The following MPHOSPH6 variants were observed in gnomAD, a reference collection of about 807,000 sequenced individuals.
The protein encoded by MPHOSPH6 is M-phase phosphoprotein 6.
A neutral mutation model predicts 21.8 loss-of-function variants in MPHOSPH6; 25 were observed. That is an observed-to-expected ratio of 1.15 (90% CI 0.83 to 1.60). The LOEUF is 1.60. Among genes scored for constraint, MPHOSPH6 ranks in the 40% most tolerant of loss-of-function variants. The pLI, the probability that MPHOSPH6 is intolerant of heterozygous loss-of-function variation, is 0.00. For synonymous variants in MPHOSPH6, 84 were observed against 56.5 expected (o/e 1.49, Z -2.18); for missense variants, 269 against 181.8 (o/e 1.48, Z -2.76).
In MPHOSPH6 at chr16:82,148,929, G is replaced by C. The variant is rs1429977205; in HGVS notation, c.351-66C>G. ...AAAGGTAGGGATCAAGCCTTGTCAAGAATATCAGACCAAATATGCAATAAA... is the reference window on the plus strand; with the variant it reads ...AAAGGTAGGGATCAAGCCTTGTCAACAATATCAGACCAAATATGCAATAAA... On this transcript the variant is annotated intron_variant, in intron 4 of 4. Coordinates refer to ENST00000258169, the MANE Select transcript of MPHOSPH6 (RefSeq NM_005792.2). The C allele has an allele frequency of 2.6e-6, 4 of 1,561,622 alleles. No individual in the cohort carries two copies. The African/African-American group carries it at 4.1e-5, about 16-fold the overall frequency.
chr16:82,155,017 C>T (rs1906385371), intron 2 of MPHOSPH6, among the ~76,000 whole-genome samples: 1 of 152,066 alleles, frequency 6.6e-6, no homozygotes, highest in Non-Finnish European at 1.5e-5. Context: ...CATATGAAGA[C>T]CAAGTAGAGT....
At chr16:82,164,016 T>A (rs1395400295) in intron 2 of MPHOSPH6, 66 bp downstream of exon 2, 1 of 1,092,228 alleles carries the variant, frequency 9.2e-7, no homozygotes, top group Non-Finnish European at 1.4e-6. Flanking sequence ...AATGATGAGT[T>A]AAATTTACCA....
chr16:82,153,369 A>C (rs1185968446), intron 2 of MPHOSPH6, among the ~76,000 whole-genome samples: 1 of 152,224 alleles, frequency 6.6e-6, no homozygotes, highest in Non-Finnish European at 1.5e-5. Context: ...AAATCCAAGC[A>C]TATGACTGTG....
chr16:82,161,354 C>T lies in MPHOSPH6; in HGVS notation c.164+2728G>A, dbSNP rs1597163615. On this transcript the variant is annotated intron_variant, in intron 2 of 4. Coordinates refer to ENST00000258169, the MANE Select transcript of MPHOSPH6 (RefSeq NM_005792.2). ...GTGTGGCAGGCTAACTTGTTAGTTT[C>T]AGGTCCCTATAGCTTCTGACTCCAA... Among the ~76,000 whole-genome samples the T allele has an allele frequency of 2.6e-5, 4 of 152,292 alleles. No homozygotes were observed. The East Asian group carries it at 5.8e-4, about 22-fold the overall frequency.
rs1410130080 is a variant in MPHOSPH6 at position 82,151,425 on chromosome 16, T to C, written c.254A>G (p.Glu85Gly). Residue 85 changes from glutamate (E) to glycine (G), a missense_variant and splice_region_variant, in exon 3 of 5, where the codon GAG becomes GGG. Coordinates refer to ENST00000258169, the MANE Select transcript of MPHOSPH6 (RefSeq NM_005792.2). The part of the protein sequence containing the change: ...MSFRGFNPEV[E>G]KLMLQMNAKH... The stretch of plus-strand genomic sequence containing the variant: ...ATTTGAAGCAATTATATTTAATACC[T>C]CAACCTCAGGATTAAATCCTCTGAA... 5 of 1,605,476 alleles carry C rather than the reference T, an allele frequency of 3.1e-6. No individual in the cohort carries two copies. The highest frequency in any genetic ancestry group is 4.2e-6 in the Non-Finnish European group (5 of 1,177,318).
In MPHOSPH6 at chr16:82,148,875, A is replaced by G; in HGVS notation, c.351-12T>C. On this transcript the variant is annotated splice_polypyrimidine_tract_variant and intron_variant, in intron 4 of 4. Transcript: ENST00000258169. ...CCAAGGTCTCATATCTGTCAAGAGG[A>G]CAGGCAGCACACGTTTAATTTCAAA... 1 of 1,613,560 alleles carries G rather than the reference A, an allele frequency of 6.2e-7. No individual in the cohort carries two copies. Among genetic ancestry groups the G allele is most frequent in the Non-Finnish European group, 8.5e-7 (1 of 1,179,688 alleles).
chr16:82,149,874 T>A (rs16956547), intron 3 of MPHOSPH6, among the ~76,000 whole-genome samples: 23,799 of 149,748 alleles, frequency 0.16, 2,438 homozygotes, highest in Admixed American at 0.35. Context: ...CTGGCCCTGT[T>A]TAATGGAGGG....
rs1193891320 is a variant in MPHOSPH6 at position 82,148,514 on chromosome 16, CA to C, written c.*216del. The stretch of plus-strand genomic sequence containing the variant: ...CCTGTAACAATGTACATTTGTAGAT[CA>C]GGGGCTAAAAATCCACTCTGAATGA... On this transcript the variant is annotated 3_prime_UTR_variant, in exon 5 of 5. Transcript: ENST00000258169. 1 of 494,002 alleles carries C rather than the reference CA, an allele frequency of 2.0e-6. No homozygotes were observed. The allele number at this position is 494,002 out of a possible 1,614,324, so 30.6% of individuals were successfully genotyped here. A position where few individuals can be genotyped will look rare whatever the true frequency, so the allele number is the denominator to read the frequency against.
At chr16:82,168,625 T>C (rs537820409) in intron 1 of MPHOSPH6, among the ~76,000 whole-genome samples, 14 of 152,166 alleles carry the variant, frequency 9.2e-5, no homozygotes, top group Non-Finnish European at 1.2e-4. Flanking sequence ...TGCGTGCCAC[T>C]AGGCCTGGCT....
chr16:82,154,248 A>G (rs1906358517), intron 2 of MPHOSPH6, among the ~76,000 whole-genome samples: 1 of 152,252 alleles, frequency 6.6e-6, no homozygotes, highest in African/African-American at 2.4e-5. Context: ...TGTGATATTT[A>G]GTAGAAAGGC....
intron 1 of MPHOSPH6, among the ~76,000 whole-genome samples, chr16:82,168,351 G>C (rs1447900481): frequency 1.3e-5 from 2 of 152,206 alleles, no homozygotes; most frequent in Non-Finnish European, 2.9e-5. Context: ...ATGCATGAAA[G>C]TGCTTGACAA....
chr16:82,161,555 A>C, intron 2 of MPHOSPH6, among the ~76,000 whole-genome samples: 1 of 152,122 alleles, frequency 6.6e-6, no homozygotes. Context: ...GGTAAATTTC[A>C]CTCCTAGGAA....
At chr16:82,162,357 C>A (rs1012556214) in intron 2 of MPHOSPH6, 1 of 152,262 alleles carries the variant, frequency 6.6e-6, no homozygotes, top group African/African-American at 2.4e-5. Flanking sequence ...AACACGTATA[C>A]CAAGGACATG....
Position 82,170,159 on chromosome 16 carries a change from T to G in MPHOSPH6, c.17A>C (p.Lys6Thr). The G allele has an allele frequency of 6.3e-7, 1 of 1,595,252 alleles. No homozygotes were observed. Among genetic ancestry groups the G allele is most frequent in the South Asian group, 1.1e-5 (1 of 89,070 alleles). Residue 6 changes from lysine (K) to threonine (T), a missense_variant, in exon 1 of 5, where the codon AAG becomes ACG. Physicochemically the swap from Lys to Thr is moderately conservative, Grantham distance 78 (BLOSUM62 -1). Transcript: ENST00000258169. MAAER[K>T]TRLSKNLLRM... Reference sequence around the variant, plus strand: ...CAGTAGATTCTTGGACAACCTTGTCTTTCGCTCGGCCGCCATGGTAGCTTC... The same window carrying G: ...CAGTAGATTCTTGGACAACCTTGTCGTTCGCTCGGCCGCCATGGTAGCTTC...
chr16:82,152,667 T>C (rs1286850958), intron 2 of MPHOSPH6, among the ~76,000 whole-genome samples: 1 of 152,192 alleles, frequency 6.6e-6, no homozygotes, highest in East Asian at 1.9e-4. Flanking sequence ...CTGTTGCTGC[T>C]GACGGGGCTG....
chr16:82,155,577 G>A (rs144055408), intron 2 of MPHOSPH6, among the ~76,000 whole-genome samples: 40 of 152,298 alleles, frequency 2.6e-4, no homozygotes, highest in African/African-American at 9.4e-4. Context: ...GACAGACTTA[G>A]AGATAAACAA....
rs1906172775 is a variant in MPHOSPH6 at position 82,148,867 on chromosome 16, T to A, written c.351-4A>T. The A allele has an allele frequency of 1.9e-6, 3 of 1,613,864 alleles. No individual in the cohort carries two copies. Among genetic ancestry groups the A allele is most frequent in the Admixed American group, 1.7e-5 (1 of 59,986 alleles). On this transcript the variant is annotated splice_polypyrimidine_tract_variant and splice_region_variant and intron_variant, in intron 4 of 4. Coordinates refer to ENST00000258169, the MANE Select transcript of MPHOSPH6 (RefSeq NM_005792.2). Reference sequence around the variant, plus strand: ...TGTCCCCACCAAGGTCTCATATCTGTCAAGAGGACAGGCAGCACACGTTTA... The same window carrying A: ...TGTCCCCACCAAGGTCTCATATCTGACAAGAGGACAGGCAGCACACGTTTA...
At chr16:82,166,853 A>C (rs999387776) in intron 1 of MPHOSPH6, among the ~76,000 whole-genome samples, 8 of 152,140 alleles carry the variant, frequency 5.3e-5, no homozygotes, top group African/African-American at 1.9e-4. Context: ...AGCCATATAC[A>C]TATGTTCTGT....
Position 82,148,506 on chromosome 16 carries a change from T to A in MPHOSPH6, c.*225A>T. 2.1e-6 allele frequency: 1 copy of A among 466,234 alleles called. No individual in the cohort carries two copies. Among genetic ancestry groups the A allele is most frequent in the Admixed American group, 3.9e-5 (1 of 25,634 alleles). 28.9% of individuals were successfully genotyped at this position (466,234 alleles called of 1,614,324 possible). A position where few individuals can be genotyped will look rare whatever the true frequency, so the allele number is the denominator to read the frequency against. ...GAAGCAGCCCTGTAACAATGTACAT[T>A]TGTAGATCAGGGGCTAAAAATCCAC... On this transcript the variant is annotated 3_prime_UTR_variant, in exon 5 of 5. Transcript: ENST00000258169.
Sources: gnomAD v4.1 joint callset for allele counts (sites outside exome capture counted in the v4.1 genomes callset) on GRCh38, gnomAD v4.1.1 for gene constraint, MANE v1.5 for transcripts, NCBI Gene and HGNC (gene_info 2026-07-23, HGNC 2026-07-21) for gene names.